The following EIF2AK1 variants were observed in gnomAD, a reference collection of about 807,000 sequenced individuals.
EIF2AK1 encodes eukaryotic translation initiation factor 2 alpha kinase 1, also known as eukaryotic translation initiation factor 2-alpha kinase 1.
Under a neutral mutation model 77.9 loss-of-function variants are expected in EIF2AK1, and 54 were observed. The observed-to-expected ratio is 0.69, with a 90% CI of 0.56 to 0.87. The LOEUF (loss-of-function observed/expected upper bound fraction) is 0.87, where lower values mean the gene tolerates loss of function less well. Among genes scored for constraint, EIF2AK1 ranks in the 40% least tolerant of loss-of-function variants. EIF2AK1 has a pLI of 0.00. For synonymous variants in EIF2AK1, 314 were observed against 290.5 expected (o/e 1.08, Z -0.82); for missense variants, 810 against 768.6 (o/e 1.05, Z -0.64).
chr7:6,024,842 T>A (rs761494725), intron 14 of EIF2AK1, 41 bp from the exon 15 acceptor site: 2 of 1,230,022 alleles, frequency 1.6e-6, no homozygotes, highest in Non-Finnish European at 1.1e-6. Flanking sequence ...AAAATAACTT[T>A]TTTTTTTTTT....
chr7:6,050,763 C>A (rs1169996234), intron 2 of EIF2AK1, among the ~76,000 whole-genome samples: 2 of 151,886 alleles, frequency 1.3e-5, no homozygotes, highest in Non-Finnish European at 2.9e-5. Context: ...CCACCAGGCC[C>A]AGCTAATTTT....
rs201607265 is a variant in EIF2AK1, at chr7:6,024,742, C to G, written c.1824G>C (p.Lys608Asn). 1.3e-6 allele frequency: 2 copies of G among 1,598,584 alleles called. No homozygotes were observed. Among genetic ancestry groups the G allele is most frequent in the East Asian group, 4.5e-5 (2 of 44,416 alleles). ...CTTGAGAAAGGAGGTTTAGCTGCTT[C>G]TTTAGTTCTGCAATTTCTTTTTCTT... is the stretch of plus-strand genomic sequence containing the variant. Reference protein sequence around the residue: ...IEQEKEIAELKKQLNLLSQDK... With the variant: ...IEQEKEIAELNKQLNLLSQDK... The change falls in exon 15 of 15, where the codon AAG (lysine) becomes AAC (asparagine). Residue 608 changes from lysine to asparagine, a missense_variant. Coordinates refer to ENST00000199389, the MANE Select transcript of EIF2AK1 (RefSeq NM_014413.4).
intron 3 of EIF2AK1, among the ~76,000 whole-genome samples, chr7:6,049,603 T>C (rs531958690): frequency 6.6e-4 from 98 of 148,980 alleles, no homozygotes; most frequent in Admixed American, 2.4e-3. Flanking sequence ...AGTCCATCTG[T>C]GGCCTCTCCT....
chr7:6,050,398 T>C (rs184481247), intron 2 of EIF2AK1, among the ~76,000 whole-genome samples: 198 of 152,168 alleles, frequency 1.3e-3, no homozygotes, highest in African/African-American at 4.4e-3. Flanking sequence ...TTTCGCCACA[T>C]TGGCCAGGCT....
In EIF2AK1 at chr7:6,032,843, C is replaced by A. The variant is rs1009531389; in HGVS notation, c.1333-3811G>T. On this transcript the variant is annotated intron_variant, in intron 11 of 14. Coordinates refer to ENST00000199389, the MANE Select transcript of EIF2AK1 (RefSeq NM_014413.4). This position sits in a 1 kb window ranked among gnomAD's most constrained non-coding sequence, Gnocchi z 4.3. ...TGTTTTGTTTTCCCTCCAAAGCCGACAGAGTCTATCATCCCCATCCATCTG... is the reference window on the plus strand; with the variant it reads ...TGTTTTGTTTTCCCTCCAAAGCCGAAAGAGTCTATCATCCCCATCCATCTG... 3.9e-6 allele frequency: 6 copies of A among 1,550,708 alleles called. No individual in the cohort carries two copies. In the African/African-American group the frequency reaches 6.8e-5, roughly 18 times the overall value.
intron 2 of EIF2AK1, among the ~76,000 whole-genome samples, chr7:6,053,587 T>C (rs1788667552): frequency 6.6e-6 from 1 of 151,682 alleles, no homozygotes; most frequent in Non-Finnish European, 1.5e-5. Context: ...ATGGTCTCGA[T>C]CTCTTGACCT....
Position 6,036,099 on chromosome 7 carries a change from A to T in EIF2AK1, c.1332+1325T>A. 1.3e-6 allele frequency: 2 copies of T among 1,550,970 alleles called. No homozygotes were observed. The highest frequency in any genetic ancestry group is 1.2e-5 in the South Asian group (1 of 84,054). On this transcript the variant is annotated intron_variant, in intron 11 of 14. Transcript: ENST00000199389. This position sits in a 1 kb window ranked among gnomAD's most constrained non-coding sequence, Gnocchi z 4.6. ...TTATATGTACCTTCAGCGCAGTTGC[A>T]ATGTAAGAGATACGGCACTTCTGGC...
At position 6,050,480 on chromosome 7, in the gene EIF2AK1, C is replaced by T. The variant is rs537467724; in HGVS notation, c.278-435G>A. On this transcript the variant is annotated intron_variant, in intron 2 of 14. Coordinates refer to ENST00000199389, the MANE Select transcript of EIF2AK1 (RefSeq NM_014413.4). The stretch of plus-strand genomic sequence containing the variant: ...AAAGTGCTAGGATTACAGGCATGAG[C>T]CACCAGGCCCAGCCCTTAGATAAAT... Among the ~76,000 whole-genome samples the T allele has an allele frequency of 2.3e-3, 343 of 152,286 alleles. 14 individuals are homozygous for T. In the South Asian group the frequency reaches 0.069, roughly 31 times the overall value.
intron 8 of EIF2AK1, 131 bp from the exon 9 acceptor site, chr7:6,041,350 C>T (rs1583488590): frequency 1.1e-6 from 1 of 913,760 alleles, no homozygotes; most frequent in East Asian, 2.6e-5. Context: ...ACCAGCTTAC[C>T]CAACATGGTA....
At chr7:6,049,753 G>T in intron 3 of EIF2AK1, 159 bp downstream of exon 3, 2 of 628,258 alleles carry the variant, frequency 3.2e-6, no homozygotes, top group Non-Finnish European at 5.1e-6. Flanking sequence ...CTCCCAAAGT[G>T]CTGGGATTAA....
intron 2 of EIF2AK1, among the ~76,000 whole-genome samples, chr7:6,052,043 G>A (rs986164798): frequency 6.6e-6 from 1 of 151,764 alleles, no homozygotes; most frequent in Non-Finnish European, 1.5e-5. Flanking sequence ...GTGGTGGTGG[G>A]TGCCTGTAGT....
chr7:6,025,141 G>C (rs1289109596), intron 14 of EIF2AK1, among the ~76,000 whole-genome samples: 1 of 151,566 alleles, frequency 6.6e-6, no homozygotes, highest in East Asian at 1.9e-4. Context: ...ACCCAGCCAA[G>C]GTTTCATTTT....
At position 6,026,926 on chromosome 7, in the gene EIF2AK1, C is replaced by T. The variant is rs1364157894; in HGVS notation, c.1566G>A (p.Glu522=). ...DMYSLGVVLL[E]LFQPFGTEME... ...TTTCTGTTCCAAACGGCTGAAAGAG[C>T]TCTAGCAGGACCACACCCAAGCTGT... Residue 522 remains glutamate, a synonymous_variant, in exon 14 of 15, where the codon GAG becomes GAA. Transcript: ENST00000199389. The T allele has an allele frequency of 3.7e-6, 6 of 1,613,946 alleles. No homozygotes were observed. The highest frequency in any genetic ancestry group is 1.7e-5 in the Admixed American group (1 of 59,982).
At chr7:6,024,847 T>C in intron 14 of EIF2AK1, 46 bp from the exon 15 acceptor site, 1 of 1,418,180 alleles carries the variant, frequency 7.1e-7, no homozygotes, top group Admixed American at 2.6e-5. Context: ...AACTTTTTTT[T>C]TTTTTTTTTG....
chr7:6,053,743 C>T (rs1788674110), intron 2 of EIF2AK1, among the ~76,000 whole-genome samples: 1 of 147,656 alleles, frequency 6.8e-6, no homozygotes, highest in Admixed American at 7.0e-5. Flanking sequence ...TCTCGGCTCA[C>T]TGCAACCTCC....
At chr7:6,040,731 G>C (rs1329403484) in intron 9 of EIF2AK1, among the ~76,000 whole-genome samples, 161 bp downstream of exon 9, 1 of 152,152 alleles carries the variant, frequency 6.6e-6, no homozygotes, top group Non-Finnish European at 1.5e-5. Context: ...GTGAAGAAGG[G>C]AGAACCAAAC....
In EIF2AK1 at chr7:6,027,875, G is replaced by C. The variant is rs1372736262; in HGVS notation, c.1530+740C>G. Reference sequence around the variant, plus strand: ...AGGCCAGGAGTTTGAGACCAACCTGGACAAAGCAAGACCCATCTCTACAAA... The same window carrying C: ...AGGCCAGGAGTTTGAGACCAACCTGCACAAAGCAAGACCCATCTCTACAAA... On this transcript the variant is annotated intron_variant, in intron 13 of 14. Coordinates refer to ENST00000199389, the MANE Select transcript of EIF2AK1 (RefSeq NM_014413.4). The surrounding 1 kb of genome is among the most constrained non-coding windows in gnomAD (Gnocchi z 4.5). 7.0e-6 allele frequency: 3 copies of C among 426,052 alleles called. No homozygotes were observed. Among genetic ancestry groups the C allele is most frequent in the South Asian group, 5.1e-5 (3 of 58,404 alleles). The allele number at this position is 426,052 out of a possible 1,614,324, so 26.4% of individuals were successfully genotyped here.
intron 1 of EIF2AK1, among the ~76,000 whole-genome samples, chr7:6,055,982 CA>C (rs755531680): frequency 0.012 from 278 of 23,988 alleles, no homozygotes; most frequent in Middle Eastern, 0.062. Flanking sequence ...AACTCTGTCT[CA>C]AAAAAAAAAA....
chr7:6,044,960 AG>A (rs991403351), intron 6 of EIF2AK1, among the ~76,000 whole-genome samples: 24 of 152,316 alleles, frequency 1.6e-4, no homozygotes, highest in African/African-American at 5.8e-4. Context: ...AATGTTCGGT[AG>A]GTTATGCATA....
Sources: gnomAD v4.1 joint callset for allele counts (sites outside exome capture counted in the v4.1 genomes callset) on GRCh38, gnomAD v4.1.1 for gene constraint, Gnocchi (gnomAD v3.1) non-coding constraint, MANE v1.5 for transcripts, NCBI Gene and HGNC (gene_info 2026-07-23, HGNC 2026-07-21) for gene names.